The following KCNIP4 variants were observed in gnomAD, a reference collection of about 807,000 sequenced individuals.
The protein encoded by KCNIP4 is Kv channel-interacting protein 4.
KCNIP4 carries 12 observed loss-of-function variants against 34.0 expected under a neutral mutation model. The ratio of observed to expected loss-of-function variants is 0.35; its 90% CI spans 0.23 to 0.57. KCNIP4 has a LOEUF of 0.57. Among genes scored for constraint, KCNIP4 ranks in the 20% least tolerant of loss-of-function variants. The pLI, the probability that KCNIP4 is intolerant of heterozygous loss-of-function variation, is 0.83. For missense variants in KCNIP4, 238 were observed against 311.7 expected (o/e 0.76, Z 1.78); for synonymous variants, 124 against 102.2 (o/e 1.21, Z -1.29).
chr4:20,798,707 A>T (rs747532353), intron 3 of KCNIP4, among the ~76,000 whole-genome samples: 9 of 152,148 alleles, frequency 5.9e-5, no homozygotes, highest in Non-Finnish European at 1.2e-4. Context: ...CCATCCCCTC[A>T]GTTGGAATCA....
chr4:21,461,513 A>T (rs1243918979), intron 1 of KCNIP4, among the ~76,000 whole-genome samples: 1 of 152,010 alleles, frequency 6.6e-6, no homozygotes, highest in Non-Finnish European at 1.5e-5. Flanking sequence ...AAGTAATAAG[A>T]AGAAAAATCT....
intron 1 of KCNIP4, among the ~76,000 whole-genome samples, chr4:21,482,602 G>A (rs190012744): frequency 6.6e-6 from 1 of 152,112 alleles, no homozygotes. Context: ...AAATTCTGGG[G>A]TGAAAATCCT....
At chr4:21,381,776 G>A (rs373990642) in intron 1 of KCNIP4, among the ~76,000 whole-genome samples, 7 of 152,228 alleles carry the variant, frequency 4.6e-5, no homozygotes, top group African/African-American at 1.7e-4. Context: ...ATGTTTCTAC[G>A]ACTCCCAGCT....
At chr4:21,524,332 G>A (rs1417939415) in intron 1 of KCNIP4, among the ~76,000 whole-genome samples, 1 of 152,098 alleles carries the variant, frequency 6.6e-6, no homozygotes, top group Non-Finnish European at 1.5e-5. Context: ...ATTTCCCCAT[G>A]TTTGTCCAGA....
rs1178141133 is a variant in KCNIP4 at position 21,104,447 on chromosome 4, T to C, written c.62-221738A>G. ...TCCACTTTTTGATGGGGTTGTTTGT[T>C]TTTTTCTTGTAAATTTGTTTAAGTT... On this transcript the variant is annotated intron_variant, in intron 1 of 8. Coordinates refer to ENST00000382152, the MANE Select transcript of KCNIP4 (RefSeq NM_025221.6). Among the ~76,000 whole-genome samples the C allele has an allele frequency of 3.9e-5, 6 of 152,330 alleles. No individual in the cohort carries two copies. In the East Asian group the frequency reaches 1.2e-3, roughly 29 times the overall value.
intron 1 of KCNIP4, among the ~76,000 whole-genome samples, chr4:21,485,492 C>A (rs1259927099): frequency 2.0e-5 from 3 of 152,140 alleles, no homozygotes; most frequent in Non-Finnish European, 2.9e-5. Context: ...GTTGCAATTG[C>A]CCTAATCCAA....
intron 1 of KCNIP4, among the ~76,000 whole-genome samples, chr4:21,375,499 G>T (rs939538859): frequency 6.6e-6 from 1 of 152,122 alleles, no homozygotes. Flanking sequence ...AGGTCCAGGG[G>T]TATAGTGCAT....
chr4:21,223,446 G>T (rs1758126918), intron 1 of KCNIP4, among the ~76,000 whole-genome samples: 1 of 152,294 alleles, frequency 6.6e-6, no homozygotes, highest in African/African-American at 2.4e-5. Context: ...GTGGTCATTT[G>T]TTCCAGCAGC....
chr4:21,498,274 G>C (rs1302470865), intron 1 of KCNIP4, among the ~76,000 whole-genome samples: 2 of 151,588 alleles, frequency 1.3e-5, no homozygotes, highest in Non-Finnish European at 2.9e-5. Flanking sequence ...TTTTTCTTTT[G>C]GTTATTTAGA....
chr4:21,642,059 G>A (rs1158956360), intron 1 of KCNIP4, among the ~76,000 whole-genome samples: 1 of 152,134 alleles, frequency 6.6e-6, no homozygotes, highest in Non-Finnish European at 1.5e-5. Flanking sequence ...CGATGTTTCT[G>A]CCAACACTAC....
At position 21,778,936 on chromosome 4, in the gene KCNIP4, G is replaced by T. The variant is rs1719383277; in HGVS notation, c.61+169635C>A. Among the ~76,000 whole-genome samples, 3 of 152,062 alleles carry T rather than the reference G, an allele frequency of 2.0e-5. No individual in the cohort carries two copies. In the South Asian group the frequency reaches 6.2e-4, roughly 32 times the overall value. ...AATGAGGAAGGTACTAATTGCATTA[G>T]TACCCACTTCCTAGAGTTACTGTGA... On this transcript the variant is annotated intron_variant, in intron 1 of 8. Transcript: ENST00000382152.
In KCNIP4 at chr4:21,590,794, G is replaced by C. The variant is rs372235161; in HGVS notation, c.61+357777C>G. 7.9e-5 allele frequency among the ~76,000 whole-genome samples: 12 copies of C among 152,062 alleles called. No homozygotes were observed. In the East Asian group the frequency reaches 2.3e-3, roughly 30 times the overall value. On this transcript the variant is annotated intron_variant, in intron 1 of 8. Transcript: ENST00000382152. ...GGAACTAGACAACATGTTTGGACCA[G>C]TGTATCAGTAAGGCTATGCTTATAG...
intron 1 of KCNIP4, among the ~76,000 whole-genome samples, chr4:21,515,101 T>A (rs1478447081): frequency 6.6e-6 from 1 of 152,162 alleles, no homozygotes; most frequent in Non-Finnish European, 1.5e-5. Flanking sequence ...TTCTTCCTTC[T>A]TTACCAAGCT....
intron 1 of KCNIP4, among the ~76,000 whole-genome samples, chr4:21,632,619 G>T (rs574401383): frequency 3.2e-4 from 48 of 152,236 alleles, no homozygotes; most frequent in Admixed American, 1.4e-3. Context: ...CTGTCCCAGG[G>T]TTTATAATGA....
intron 1 of KCNIP4, among the ~76,000 whole-genome samples, chr4:21,323,144 G>GTATATATATATATATATATA (rs747961833): frequency 6.4e-4 from 50 of 77,872 alleles, no homozygotes; most frequent in Middle Eastern, 8.2e-3. Flanking sequence ...TCTTTTGTAA[G>GTATATATATATATATATATA]TATATATATA....
intron 3 of KCNIP4, among the ~76,000 whole-genome samples, chr4:20,848,952 T>C (rs1481759174): frequency 6.6e-6 from 1 of 152,136 alleles, no homozygotes; most frequent in African/African-American, 2.4e-5. Flanking sequence ...ACACCTCCTT[T>C]CCTTTCTGTC....
chr4:21,486,568 T>C (rs1731931032), intron 1 of KCNIP4, among the ~76,000 whole-genome samples: 1 of 152,148 alleles, frequency 6.6e-6, no homozygotes, highest in African/African-American at 2.4e-5. Flanking sequence ...CCATAATTTA[T>C]TGACTGAAAG....
At chr4:21,028,245 G>A (rs1012715490) in intron 1 of KCNIP4, among the ~76,000 whole-genome samples, 8 of 151,976 alleles carry the variant, frequency 5.3e-5, no homozygotes, top group African/African-American at 9.7e-5. Flanking sequence ...TTCCTAGCAC[G>A]TCTACTTGCT....
intron 1 of KCNIP4, among the ~76,000 whole-genome samples, chr4:21,512,981 T>C (rs554683377): frequency 2.0e-5 from 3 of 152,304 alleles, no homozygotes; most frequent in Non-Finnish European, 2.9e-5. Flanking sequence ...GATAACACAC[T>C]AGGAAGTGCA....
Sources: allele counts gnomAD v4.1 joint callset (sites outside exome capture counted in the v4.1 genomes callset), GRCh38; gene constraint gnomAD v4.1.1; transcripts MANE v1.5; gene names NCBI Gene and HGNC (gene_info 2026-07-23, HGNC 2026-07-21).